The following PIEZO2 variants were observed in gnomAD, a reference collection of about 807,000 sequenced individuals.
PIEZO2 encodes piezo-type mechanosensitive ion channel component 2.
In PIEZO2, 172 loss-of-function variants were observed where a neutral mutation model predicts 337.3. That is an observed-to-expected ratio of 0.51 (90% CI 0.45 to 0.58). The LOEUF is 0.58. Among genes scored for constraint, PIEZO2 ranks in the 20% least tolerant of loss-of-function variants. The probability of loss-of-function intolerance (pLI) is 0.00; values close to 1 mark genes in which losing one functional copy is unlikely to be tolerated. For synonymous variants in PIEZO2, 1,251 were observed against 1,228.5 expected, an observed-to-expected ratio of 1.02 and a Z score of -0.38; for missense variants, 3,028 against 3,391.3, an observed-to-expected ratio of 0.89 and a Z score of 2.66.
chr18:11,139,753 T>C (rs1245928238), intron 1 of PIEZO2, among the ~76,000 whole-genome samples: 1 of 152,178 alleles, frequency 6.6e-6, no homozygotes, highest in Non-Finnish European at 1.5e-5. Flanking sequence ...CTCCCCTTCC[T>C]TTAACGGGTT....
At position 10,724,561 on chromosome 18, in the gene PIEZO2, G is replaced by T; in HGVS notation, c.5030-6302C>A. On this transcript the variant is annotated intron_variant, in intron 36 of 55. Coordinates refer to ENST00000674853, the MANE Select transcript of PIEZO2 (RefSeq NM_001378183.1). The surrounding 1 kb of genome is among the most constrained non-coding windows in gnomAD (Gnocchi z 5.8). ...CTCCACATACCCTTCTGTGTCCCCA[G>T]AAGTCGACAGTGTGGGGAGTTGGAG... 1 of 555,102 alleles carries T rather than the reference G, an allele frequency of 1.8e-6. No individual in the cohort carries two copies. The highest frequency in any genetic ancestry group is 2.6e-5 in the South Asian group (1 of 37,758). 34.4% of individuals were successfully genotyped at this position (555,102 alleles called of 1,614,324 possible). A position where few individuals can be genotyped will look rare whatever the true frequency, so the allele number is the denominator to read the frequency against.
intron 3 of PIEZO2, among the ~76,000 whole-genome samples, chr18:10,956,728 T>TG: frequency 6.6e-6 from 1 of 152,234 alleles, no homozygotes; most frequent in East Asian, 1.9e-4. Flanking sequence ...CCCAGCACTC[T>TG]GGGAGGCCGA....
chr18:11,078,053 CA>C lies in PIEZO2; in HGVS notation c.65-11832del, dbSNP rs2038607689. ...ACACACACCCACACACACCCACACACACACACACACACACCACACACACAAA... is the reference window on the plus strand; with the variant it reads ...ACACACACCCACACACACCCACACACCACACACACACACCACACACACAAA... On this transcript the variant is annotated intron_variant, in intron 1 of 55. Transcript: ENST00000674853. The surrounding 1 kb of genome is among the most constrained non-coding windows in gnomAD (Gnocchi z 5.3). Among the ~76,000 whole-genome samples the C allele has an allele frequency of 7.0e-6, 1 of 143,038 alleles. No homozygotes were observed. Among genetic ancestry groups the C allele is most frequent in the South Asian group, 2.2e-4 (1 of 4,540 alleles). The allele number at this position is 143,038 out of a possible 152,430, so 93.8% of individuals were successfully genotyped here.
intron 2 of PIEZO2, among the ~76,000 whole-genome samples, chr18:10,995,511 T>G (rs1186432209): frequency 6.6e-6 from 1 of 152,170 alleles, no homozygotes; most frequent in Non-Finnish European, 1.5e-5. Flanking sequence ...GAAATCAAGC[T>G]AAATGAGTTG....
chr18:10,754,114 C>A (rs2037748422), intron 27 of PIEZO2, among the ~76,000 whole-genome samples: 2 of 152,204 alleles, frequency 1.3e-5, no homozygotes, highest in African/African-American at 2.4e-5. Flanking sequence ...CCTGCTTTAC[C>A]AGCTCTGGCC....
rs886125617 is a variant in PIEZO2, at chr18:10,741,018, C to G, written c.4708+13G>C. ...AGAGTCGATGAGGTTGTAAGGGGAT[C>G]GAGAAAACCTACTGGAAGCATGATC... On this transcript the variant is annotated intron_variant, in intron 33 of 55. Transcript: ENST00000674853. 1 of 1,535,630 alleles carries G rather than the reference C, an allele frequency of 6.5e-7. No individual in the cohort carries two copies. The highest frequency in any genetic ancestry group is 8.7e-7 in the Non-Finnish European group (1 of 1,145,506).
intron 2 of PIEZO2, among the ~76,000 whole-genome samples, chr18:10,997,837 T>A (rs1054439039): frequency 1.6e-5 from 2 of 128,542 alleles, no homozygotes; most frequent in African/African-American, 2.5e-5. Flanking sequence ...GCAGAAAGAT[T>A]GGTTCAGAAA....
Position 10,961,006 on chromosome 18 carries a change from G to A in PIEZO2, c.286+18529C>T, listed in dbSNP as rs144940960. Among the ~76,000 whole-genome samples the A allele has an allele frequency of 7.1e-3, 1,077 of 152,044 alleles. 8 individuals are homozygous for A. The highest frequency in any genetic ancestry group is 0.011 in the Non-Finnish European group (743 of 67,960). ...ATCCTGGCTAACATGGTGAAGCCTCGTCTCTACCAAAAATACAAGAAAAAA... is the reference window on the plus strand; with the variant it reads ...ATCCTGGCTAACATGGTGAAGCCTCATCTCTACCAAAAATACAAGAAAAAA... On this transcript the variant is annotated intron_variant, in intron 3 of 55. Transcript: ENST00000674853.
At chr18:10,896,943 A>T (rs76326681) in intron 4 of PIEZO2, among the ~76,000 whole-genome samples, 195 of 152,330 alleles carry the variant, frequency 1.3e-3, no homozygotes, top group East Asian at 6.8e-3. Context: ...GCTGAAAAAA[A>T]GTCTCTCAAC....
intron 34 of PIEZO2, among the ~76,000 whole-genome samples, chr18:10,735,957 T>C (rs2036977753): frequency 1.3e-5 from 2 of 152,216 alleles, no homozygotes; most frequent in South Asian, 2.1e-4. Flanking sequence ...CATACATGAC[T>C]CTAATGACAA....
rs1346369344 is a variant in PIEZO2 at position 10,973,694 on chromosome 18, G to T, written c.286+5841C>A. 1.3e-5 allele frequency among the ~76,000 whole-genome samples: 2 copies of T among 152,178 alleles called. No homozygotes were observed. The highest frequency in any genetic ancestry group is 4.8e-5 in the African/African-American group (2 of 41,454). On this transcript the variant is annotated intron_variant, in intron 3 of 55. Coordinates refer to ENST00000674853, the MANE Select transcript of PIEZO2 (RefSeq NM_001378183.1). This position sits in a 1 kb window ranked among gnomAD's most constrained non-coding sequence, Gnocchi z 4.9. ...AGAAGGCTGTGTGTTGTGCCTGAAT[G>T]AGTTAGGGAATGGAAAGAGAAGGGG...
chr18:10,746,897 T>C lies in PIEZO2; in HGVS notation c.4424+1574A>G, dbSNP rs1485928778. 6.6e-6 allele frequency among the ~76,000 whole-genome samples: 1 copy of C among 152,188 alleles called. No homozygotes were observed. Among genetic ancestry groups the C allele is most frequent in the East Asian group, 1.9e-4 (1 of 5,184 alleles). ...CACCTACTTTATGGTATTTTTGTTA[T>C]GTCCGCCCAAATGGACTGAGACGAT... On this transcript the variant is annotated intron_variant, in intron 30 of 55. Coordinates refer to ENST00000674853, the MANE Select transcript of PIEZO2 (RefSeq NM_001378183.1). This position sits in a 1 kb window ranked among gnomAD's most constrained non-coding sequence, Gnocchi z 4.2.
chr18:11,134,342 T>C (rs556778845), intron 1 of PIEZO2, among the ~76,000 whole-genome samples: 12 of 152,342 alleles, frequency 7.9e-5, no homozygotes, highest in African/African-American at 2.9e-4. Flanking sequence ...TGTTTCTCTC[T>C]TTTTGGCCAC....
rs2034948039 is a variant in PIEZO2 at position 10,988,073 on chromosome 18, G to A, written c.161-8413C>T. On this transcript the variant is annotated intron_variant, in intron 2 of 55. Coordinates refer to ENST00000674853, the MANE Select transcript of PIEZO2 (RefSeq NM_001378183.1). The surrounding 1 kb of genome is among the most constrained non-coding windows in gnomAD (Gnocchi z 4.8). ...TACCCAAGTGATAGTATTAAGAGGT[G>A]GAACCTTTAGGATGTGATCAAGACA... Among the ~76,000 whole-genome samples the A allele has an allele frequency of 6.6e-6, 1 of 151,976 alleles. No individual in the cohort carries two copies. Among genetic ancestry groups the A allele is most frequent in the Admixed American group, 6.6e-5 (1 of 15,256 alleles).
rs1402594009 is a variant in PIEZO2 at position 10,903,795 on chromosome 18, A to G, written c.329+7391T>C. 6.6e-6 allele frequency among the ~76,000 whole-genome samples: 1 copy of G among 152,194 alleles called. No homozygotes were observed. Among genetic ancestry groups the G allele is most frequent in the Non-Finnish European group, 1.5e-5 (1 of 68,020 alleles). ...CTTCACACTTTATCCCTAACAGTTC[A>G]GATGGATGAATGCCAATGAAGCCAT... On this transcript the variant is annotated intron_variant, in intron 4 of 55. Coordinates refer to ENST00000674853, the MANE Select transcript of PIEZO2 (RefSeq NM_001378183.1). This position sits in a 1 kb window ranked among gnomAD's most constrained non-coding sequence, Gnocchi z 4.1.
Position 10,855,336 on chromosome 18 carries a change from A to G in PIEZO2, c.917+17T>C. 1 of 1,519,494 alleles carries G rather than the reference A, an allele frequency of 6.6e-7. No homozygotes were observed. Among genetic ancestry groups the G allele is most frequent in the Non-Finnish European group, 8.8e-7 (1 of 1,130,862 alleles). 94.1% of individuals were successfully genotyped at this position (1,519,494 alleles called of 1,614,324 possible). On this transcript the variant is annotated intron_variant, in intron 7 of 55. Coordinates refer to ENST00000674853, the MANE Select transcript of PIEZO2 (RefSeq NM_001378183.1). The surrounding 1 kb of genome is among the most constrained non-coding windows in gnomAD (Gnocchi z 4.9). ...GGGGACAACCTCTCCTGGAAATGCC[A>G]TAAGGATTTCTCTTACCTTGCATAG...
At position 10,759,557 on chromosome 18, in the gene PIEZO2, T is replaced by C; in HGVS notation, c.3682A>G (p.Ser1228Gly). The change falls in exon 26 of 56, where the codon AGC becomes GGC. Residue 1228 changes from serine to glycine, a missense_variant. Physicochemically the swap from Ser to Gly is moderately conservative, Grantham distance 56. Transcript: ENST00000674853. This position sits in a 1 kb window ranked among gnomAD's most constrained non-coding sequence, Gnocchi z 5.5. Reference sequence around the variant, plus strand: ...CACTTTATGATGTTGTCATTGAAGCTGGCACCCTTGAATCTCCACGGGTAA... The same window carrying C: ...CACTTTATGATGTTGTCATTGAAGCCGGCACCCTTGAATCTCCACGGGTAA... ...RDYPWRFKGA[S>G]FNDNIIKWLY... 1 of 1,537,366 alleles carries C rather than the reference T, an allele frequency of 6.5e-7. No homozygotes were observed. The highest frequency in any genetic ancestry group is 8.7e-7 in the Non-Finnish European group (1 of 1,146,940).
chr18:10,802,064 C>T (rs1444080935), intron 9 of PIEZO2, among the ~76,000 whole-genome samples: 2 of 120,034 alleles, frequency 1.7e-5, no homozygotes, highest in South Asian at 2.6e-4. Flanking sequence ...CCAGCCTGGG[C>T]GACAGAGCGA....
intron 36 of PIEZO2, among the ~76,000 whole-genome samples, chr18:10,731,060 A>G (rs2036749341): frequency 6.6e-6 from 1 of 151,838 alleles, no homozygotes; most frequent in Non-Finnish European, 1.5e-5. Context: ...TAACTTGATC[A>G]GGTCATGTCC....
Sources: allele counts gnomAD v4.1 joint callset (sites outside exome capture counted in the v4.1 genomes callset), GRCh38; gene constraint gnomAD v4.1.1; non-coding constraint Gnocchi (gnomAD v3.1); transcripts MANE v1.5; gene names NCBI Gene and HGNC (gene_info 2026-07-23, HGNC 2026-07-21).